The following CBR4 variants were observed in gnomAD, a reference collection of about 807,000 sequenced individuals.
CBR4 encodes the protein carbonyl reductase 4.
Under a neutral mutation model 21.0 loss-of-function variants are expected in CBR4, and 22 were observed. The ratio of observed to expected loss-of-function variants is 1.05; its 90% CI spans 0.75 to 1.50. The LOEUF (loss-of-function observed/expected upper bound fraction) is 1.50. CBR4 is among the 40% of genes most tolerant of loss of function. CBR4 has a pLI of 0.00. For synonymous variants in CBR4, 100 were observed against 104.4 expected (o/e 0.96, Z 0.26); for missense variants, 302 against 286.3 (o/e 1.05, Z -0.40).
intron 2 of CBR4, among the ~76,000 whole-genome samples, chr4:168,910,301 A>G (rs1158423740): frequency 1.3e-5 from 2 of 149,640 alleles, no homozygotes; most frequent in East Asian, 3.9e-4. Flanking sequence ...TGAATAGGGC[A>G]TATTTTTCCT....
chr4:169,008,557 C>T (rs1355565814), intron 1 of CBR4, among the ~76,000 whole-genome samples: 1 of 152,126 alleles, frequency 6.6e-6, no homozygotes, highest in East Asian at 1.9e-4. Flanking sequence ...AAACAGTAAG[C>T]GACCCGGGGA....
At chr4:168,980,351 C>A (rs1764512362) in intron 2 of CBR4, among the ~76,000 whole-genome samples, 1 of 152,224 alleles carries the variant, frequency 6.6e-6, no homozygotes, top group South Asian at 2.1e-4. Context: ...AGCCTACCTA[C>A]TGGCCAGTAT....
At chr4:168,951,620 A>G (rs186442595) in intron 2 of CBR4, among the ~76,000 whole-genome samples, 200 of 152,324 alleles carry the variant, frequency 1.3e-3, no homozygotes, top group Middle Eastern at 6.8e-3. Flanking sequence ...GTAGTAGCAA[A>G]TTCTCTCAGC....
At position 168,972,258 on chromosome 4, in the gene CBR4, T is replaced by C. The variant is rs113550639; in HGVS notation, n.169+29813A>G. 8.6e-3 allele frequency among the ~76,000 whole-genome samples: 1,306 copies of C among 152,356 alleles called. 18 individuals are homozygous for C. Among genetic ancestry groups the C allele is most frequent in the African/African-American group, 0.027 (1,115 of 41,578 alleles). On this transcript the variant is annotated intron_variant and non_coding_transcript_variant, in intron 2 of 3. Coordinates refer to the CBR4 transcript ENST00000509108. ...TTTTTGCTTAGTCTTGTTTTGACTATGCAGGCTCTTTTTCGGTTCCACATG... is the reference window on the plus strand; with the variant it reads ...TTTTTGCTTAGTCTTGTTTTGACTACGCAGGCTCTTTTTCGGTTCCACATG...
At position 168,989,356 on chromosome 4, in the gene CBR4, T is replaced by C. The variant is rs1764806264; in HGVS notation, c.*794A>G. ...ATTAAAACCTTAAGGGCTAATCCTC[T>C]TCACTTATGAGAATTTCTCAAGAAT... On this transcript the variant is annotated 3_prime_UTR_variant, in exon 5 of 5. Coordinates refer to ENST00000306193, the MANE Select transcript of CBR4 (RefSeq NM_032783.5). 1.0e-6 allele frequency: 1 copy of C among 985,366 alleles called. No homozygotes were observed. The highest frequency in any genetic ancestry group is 1.2e-6 in the Non-Finnish European group (1 of 829,842). The allele number at this position is 985,366 out of a possible 1,614,324, so 61.0% of individuals were successfully genotyped here.
At chr4:168,949,807 G>A (rs2126699067) in intron 2 of CBR4, among the ~76,000 whole-genome samples, 2 of 152,156 alleles carry the variant, frequency 1.3e-5, no homozygotes, top group Non-Finnish European at 2.9e-5. Flanking sequence ...TTATTGGTCT[G>A]TTCAGGGTAT....
chr4:168,941,837 T>C (rs1211117960), intron 2 of CBR4, among the ~76,000 whole-genome samples: 1 of 152,312 alleles, frequency 6.6e-6, no homozygotes, highest in East Asian at 1.9e-4. Context: ...CTTTTTTATA[T>C]AGTTAGTTGG....
At chr4:168,977,422 A>G (rs1381277558) in intron 2 of CBR4, among the ~76,000 whole-genome samples, 1 of 152,066 alleles carries the variant, frequency 6.6e-6, no homozygotes, top group Non-Finnish European at 1.5e-5. Flanking sequence ...ATCTATCTCT[A>G]ACCCGTCAGT....
intron 1 of CBR4, among the ~76,000 whole-genome samples, chr4:169,009,304 A>T (rs1411696960): frequency 2.0e-5 from 3 of 152,252 alleles, no homozygotes; most frequent in Non-Finnish European, 4.4e-5. Context: ...TGAAGTTTAA[A>T]TGCAATAAAA....
intron 2 of CBR4, among the ~76,000 whole-genome samples, chr4:168,973,209 T>C (rs575601003): frequency 6.6e-6 from 1 of 152,328 alleles, no homozygotes; most frequent in African/African-American, 2.4e-5. Flanking sequence ...TCTATGTTTA[T>C]TGGGGATATT....
intron 2 of CBR4, among the ~76,000 whole-genome samples, chr4:168,914,906 G>A (rs1031615580): frequency 6.6e-6 from 1 of 152,210 alleles, no homozygotes; most frequent in Non-Finnish European, 1.5e-5. Context: ...CAGAGCATGT[G>A]TAGATTTAAT....
At chr4:168,960,814 T>C (rs997325000) in intron 2 of CBR4, among the ~76,000 whole-genome samples, 1 of 152,338 alleles carries the variant, frequency 6.6e-6, no homozygotes, top group Admixed American at 6.5e-5. Flanking sequence ...GAGTACCTCT[T>C]ACCAAAATGA....
At chr4:168,991,691 C>A (rs796450376) in intron 4 of CBR4, among the ~76,000 whole-genome samples, 5 of 152,214 alleles carry the variant, frequency 3.3e-5, no homozygotes, top group African/African-American at 1.2e-4. Flanking sequence ...AAGATTAATA[C>A]AGGACATACA....
At chr4:168,913,267 G>C (rs1759401777) in intron 2 of CBR4, among the ~76,000 whole-genome samples, 1 of 151,534 alleles carries the variant, frequency 6.6e-6, no homozygotes, top group South Asian at 2.1e-4. Flanking sequence ...CTCCCAAGTA[G>C]CTGGGACTAT....
intron 2 of CBR4, chr4:168,903,786 C>T (rs1757050185): frequency 1.2e-6 from 2 of 1,612,688 alleles, no homozygotes; most frequent in Non-Finnish European, 1.7e-6. Context: ...GGAAGCAGAT[C>T]TCTCCAAAGA....
intron 3 of CBR4, among the ~76,000 whole-genome samples, chr4:169,004,342 C>G (rs573806882): frequency 1.3e-5 from 2 of 152,264 alleles, no homozygotes; most frequent in East Asian, 3.9e-4. Flanking sequence ...CACTGAGAAA[C>G]TAAACAATTG....
intron 2 of CBR4, among the ~76,000 whole-genome samples, chr4:168,936,731 G>A (rs1763123089): frequency 6.6e-6 from 1 of 152,096 alleles, no homozygotes. Context: ...GACAAGATTA[G>A]AGAAAAAAGA....
chr4:168,995,346 C>T (rs116810522), intron 4 of CBR4, among the ~76,000 whole-genome samples: 3 of 152,198 alleles, frequency 2.0e-5, no homozygotes, highest in African/African-American at 7.2e-5. Context: ...AGTAAGGCCA[C>T]AAAAGTTGTG....
At chr4:168,961,920 G>A (rs1763867138) in intron 2 of CBR4, among the ~76,000 whole-genome samples, 1 of 149,312 alleles carries the variant, frequency 6.7e-6, no homozygotes, top group Admixed American at 6.8e-5. Flanking sequence ...GGGAGGGGAG[G>A]GGAGAACAAG....
Sources: gnomAD v4.1 joint callset for allele counts (sites outside exome capture counted in the v4.1 genomes callset) on GRCh38, gnomAD v4.1.1 for gene constraint, MANE v1.5 for transcripts, NCBI Gene and HGNC (gene_info 2026-07-23, HGNC 2026-07-21) for gene names.